Variants in ABI1 observed in about 807,000 individuals in gnomAD.
The protein encoded by ABI1 is Abelson interactor 1.
ABI1 carries 14 observed loss-of-function variants against 54.6 expected under a neutral mutation model. That is an observed-to-expected ratio of 0.26 (90% CI 0.17 to 0.40). ABI1 has a LOEUF of 0.40. Ranked by LOEUF, ABI1 falls within the 10% of genes least tolerant of loss-of-function variation. The pLI, the probability that ABI1 is intolerant of heterozygous loss-of-function variation, is 1.00. For missense variants in ABI1, 443 were observed against 598.3 expected, an observed-to-expected ratio of 0.74 and a Z score of 2.71; for synonymous variants, 194 against 209.3, an observed-to-expected ratio of 0.93 and a Z score of 0.63.
At chr10:26,793,176 A>C (rs1433812281) in intron 2 of ABI1, among the ~76,000 whole-genome samples, 1 of 152,208 alleles carries the variant, frequency 6.6e-6, no homozygotes, top group Admixed American at 6.5e-5. Context: ...TTTTGCCCTG[A>C]ATAGAGAAAG....
chr10:26,807,272 G>T (rs192825063), intron 2 of ABI1, among the ~76,000 whole-genome samples: 1 of 152,100 alleles, frequency 6.6e-6, no homozygotes, highest in African/African-American at 2.4e-5. Context: ...CCGGGAATTC[G>T]ACACAGGTCT....
At chr10:26,816,986 T>TTGTGTGTGTGTGTGTGTGTGTGTGTG (rs71403891) in intron 2 of ABI1, among the ~76,000 whole-genome samples, 8 of 143,768 alleles carry the variant, frequency 5.6e-5, no homozygotes, top group African/African-American at 1.3e-4. Context: ...TGCAAAGACT[T>TTGTGTGTGTGTGTGTGTGTGTGTGTG]TGTGTGTGTG....
intron 2 of ABI1, among the ~76,000 whole-genome samples, chr10:26,794,612 A>C (rs1402664997): frequency 6.6e-6 from 1 of 151,168 alleles, no homozygotes; most frequent in East Asian, 1.9e-4. Context: ...AAAACAAGCA[A>C]AAAAACAGTT....
At chr10:26,833,673 T>C (rs1011882548) in intron 1 of ABI1, among the ~76,000 whole-genome samples, 1 of 152,130 alleles carries the variant, frequency 6.6e-6, no homozygotes, top group Admixed American at 6.6e-5. Context: ...AGGAATTATA[T>C]AGCAAGAGCC....
At position 26,770,362 on chromosome 10, in the gene ABI1, A is replaced by G; in HGVS notation, c.478-17T>C. On this transcript the variant is annotated splice_polypyrimidine_tract_variant and intron_variant, in intron 4 of 10. Transcript: ENST00000376140. Reference sequence around the variant, plus strand: ...ATTTCCATGCTAAAATGTAGAAAGAAATGCTTTTATTTTTATATCAAATTG... The same window carrying G: ...ATTTCCATGCTAAAATGTAGAAAGAGATGCTTTTATTTTTATATCAAATTG... The G allele has an allele frequency of 6.2e-7, 1 of 1,603,988 alleles. No individual in the cohort carries two copies. Among genetic ancestry groups the G allele is most frequent in the Non-Finnish European group, 8.5e-7 (1 of 1,170,864 alleles).
At chr10:26,761,128 G>C (rs1052201041) in intron 7 of ABI1, among the ~76,000 whole-genome samples, 1 of 151,698 alleles carries the variant, frequency 6.6e-6, no homozygotes, top group Non-Finnish European at 1.5e-5. Flanking sequence ...GTTTTGTAGA[G>C]ACAGAGTCTC....
At chr10:26,849,615 C>T (rs149794529) in intron 1 of ABI1, among the ~76,000 whole-genome samples, 22 of 152,272 alleles carry the variant, frequency 1.4e-4, no homozygotes, top group Non-Finnish European at 3.1e-4. Flanking sequence ...GAGCATTTGG[C>T]AGACATTTTC....
At chr10:26,803,408 G>A (rs1038784249) in intron 2 of ABI1, among the ~76,000 whole-genome samples, 5 of 152,112 alleles carry the variant, frequency 3.3e-5, no homozygotes, top group Admixed American at 6.6e-5. Flanking sequence ...AATGGCTGAA[G>A]TCCATTTGCT....
chr10:26,790,386 G>A (rs1420670221), intron 2 of ABI1, among the ~76,000 whole-genome samples: 1 of 152,134 alleles, frequency 6.6e-6, no homozygotes, highest in Non-Finnish European at 1.5e-5. Context: ...AATGGTCAGT[G>A]ATGTTGAATT....
At chr10:26,835,106 A>AAC (rs374506922) in intron 1 of ABI1, among the ~76,000 whole-genome samples, 11,845 of 124,716 alleles carry the variant, frequency 0.095, 1,009 homozygotes, top group East Asian at 0.16. Flanking sequence ...AAAAAAAAAA[A>AAC]AAAAAAAAAC....
chr10:26,830,624 T>TA (rs71403893), intron 1 of ABI1, among the ~76,000 whole-genome samples: 34,369 of 126,100 alleles, frequency 0.27, 4,705 homozygotes, highest in African/African-American at 0.38. Flanking sequence ...CTGTCTCCTT[T>TA]AAAAAAAAAA....
intron 1 of ABI1, among the ~76,000 whole-genome samples, chr10:26,855,970 C>CAAA (rs11369827): frequency 1.4e-4 from 11 of 80,572 alleles, no homozygotes; most frequent in Non-Finnish European, 1.8e-4. Context: ...GACTCCATCT[C>CAAA]AAAAAAAAAA....
chr10:26,759,950 AACTG>A (rs1838900021), intron 7 of ABI1, among the ~76,000 whole-genome samples: 1 of 152,138 alleles, frequency 6.6e-6, no homozygotes, highest in African/African-American at 2.4e-5. Context: ...AAATTTTTAT[AACTG>A]ACAGAAGCAG....
chr10:26,790,265 C>A (rs1843242117), intron 2 of ABI1, among the ~76,000 whole-genome samples: 1 of 152,276 alleles, frequency 6.6e-6, no homozygotes, highest in South Asian at 2.1e-4. Context: ...TAAAAGCATT[C>A]CTTTTTCTCC....
intron 2 of ABI1, among the ~76,000 whole-genome samples, chr10:26,819,553 T>C (rs1343530822): frequency 6.6e-6 from 1 of 152,212 alleles, no homozygotes; most frequent in Non-Finnish European, 1.5e-5. Flanking sequence ...TACAGAAGAA[T>C]TGAATATTAT....
chr10:26,800,472 T>A (rs561391984), intron 2 of ABI1, among the ~76,000 whole-genome samples: 1 of 152,110 alleles, frequency 6.6e-6, no homozygotes, highest in Non-Finnish European at 1.5e-5. Context: ...CAACTGGCTA[T>A]AAATTTTCCA....
At chr10:26,765,164 A>G in intron 7 of ABI1, 54 bp downstream of exon 7, 1 of 1,266,802 alleles carries the variant, frequency 7.9e-7, no homozygotes, top group South Asian at 1.4e-5. Flanking sequence ...AGCCTTCCAC[A>G]ATAAAGCTCA....
chr10:26,798,874 C>A (rs2046366767), intron 2 of ABI1, among the ~76,000 whole-genome samples: 3 of 151,524 alleles, frequency 2.0e-5, no homozygotes, highest in African/African-American at 7.3e-5. Flanking sequence ...AATAAGCTTA[C>A]AACACAAATT....
At position 26,832,308 on chromosome 10, in the gene ABI1, C is replaced by T. The variant is rs112715670; in HGVS notation, c.118-9003G>A. On this transcript the variant is annotated intron_variant, in intron 1 of 10. Coordinates refer to ENST00000376140, the MANE Select transcript of ABI1 (RefSeq NM_001012750.3). ...TAAAAAATAAAGTATGTTGGCCGGG[C>T]GCAGTGGCTCACTCCTGTAATCCCA... Among the ~76,000 whole-genome samples, 1,291 of 152,226 alleles carry T rather than the reference C, an allele frequency of 8.5e-3. 16 individuals are homozygous for T. Among genetic ancestry groups the T allele is most frequent in the African/African-American group, 0.029 (1,211 of 41,532 alleles).
Sources: gnomAD v4.1 joint callset for allele counts (sites outside exome capture counted in the v4.1 genomes callset) on GRCh38, gnomAD v4.1.1 for gene constraint, MANE v1.5 for transcripts, NCBI Gene and HGNC (gene_info 2026-07-23, HGNC 2026-07-21) for gene names.